The following SRPK2 variants were observed in gnomAD, a reference collection of about 807,000 sequenced individuals.
SRPK2 encodes the protein SFRS protein kinase 2.
Under a neutral mutation model 90.8 loss-of-function variants are expected in SRPK2, and 21 were observed. That is an observed-to-expected ratio of 0.23 (90% CI 0.16 to 0.33). SRPK2 has a LOEUF of 0.33. Ranked by LOEUF, SRPK2 falls within the 10% of genes least tolerant of loss-of-function variation. The pLI is 1.00. For missense variants in SRPK2, 620 were observed against 869.0 expected (o/e 0.71, Z 3.60); for synonymous variants, 288 against 311.1 (o/e 0.93, Z 0.78).
intron 2 of SRPK2, among the ~76,000 whole-genome samples, chr7:105,210,153 A>C (rs948390932): frequency 6.6e-6 from 1 of 152,224 alleles, no homozygotes; most frequent in African/African-American, 2.4e-5. Flanking sequence ...AGAAAAAATA[A>C]ACTCTACATT....
chr7:105,260,566 A>G (rs1804076801), intron 2 of SRPK2, among the ~76,000 whole-genome samples: 1 of 152,230 alleles, frequency 6.6e-6, no homozygotes. Flanking sequence ...TCATGCTGCT[A>G]TAAAGACACA....
chr7:105,306,455 T>C (rs1346197129), intron 2 of SRPK2: 2 of 443,604 alleles, frequency 4.5e-6, no homozygotes, highest in African/African-American at 4.1e-5. Flanking sequence ...CACATCACTG[T>C]CATCTTCTTG....
chr7:105,119,435 G>A (rs1038646539), intron 15 of SRPK2, among the ~76,000 whole-genome samples: 30 of 152,198 alleles, frequency 2.0e-4, no homozygotes, highest in African/African-American at 7.0e-4. Flanking sequence ...TGTCTATTGT[G>A]AAGAGTGTTC....
intron 2 of SRPK2, among the ~76,000 whole-genome samples, chr7:105,249,030 A>T (rs964798886): frequency 1.3e-5 from 2 of 152,186 alleles, no homozygotes; most frequent in Non-Finnish European, 2.9e-5. Context: ...TGTCTGTTCT[A>T]TTTGATGACC....
intron 2 of SRPK2, among the ~76,000 whole-genome samples, chr7:105,292,497 C>CCAA (rs1491378772): frequency 6.7e-5 from 5 of 74,806 alleles, no homozygotes; most frequent in Non-Finnish European, 1.3e-4. Context: ...GTAAGACTCT[C>CCAA]AAAAAAAAAA....
chr7:105,335,913 G>A (rs148123218), intron 2 of SRPK2, among the ~76,000 whole-genome samples: 1,561 of 151,584 alleles, frequency 0.01, 12 homozygotes, highest in Middle Eastern at 0.027. Flanking sequence ...CCGAGGTCAT[G>A]CCATTGCATT....
intron 2 of SRPK2, among the ~76,000 whole-genome samples, chr7:105,269,435 T>C (rs1298761455): frequency 6.6e-6 from 1 of 152,212 alleles, no homozygotes; most frequent in Admixed American, 6.5e-5. Context: ...TAAAGACACA[T>C]TTAATATCTA....
At position 105,388,776 on chromosome 7, in the gene SRPK2, C is replaced by T. The variant is rs1779669145; in HGVS notation, c.16+15G>A. 4 of 1,512,844 alleles carry T rather than the reference C, an allele frequency of 2.6e-6. No individual in the cohort carries two copies. Among genetic ancestry groups the T allele is most frequent in the Admixed American group, 2.0e-5 (1 of 48,830 alleles). The allele number at this position is 1,512,844 out of a possible 1,614,324, so 93.7% of individuals were successfully genotyped here. A position where few individuals can be genotyped will look rare whatever the true frequency, so the allele number is the denominator to read the frequency against. On this transcript the variant is annotated intron_variant, in intron 1 of 15. Transcript: ENST00000393651. ...GGCCGCGTGGCGGGGAGAGGGCGCG[C>T]CGCGGGCCACTCACCTTTCCGGGAG...
intron 2 of SRPK2, among the ~76,000 whole-genome samples, chr7:105,249,391 T>TA (rs1319925615): frequency 4.6e-5 from 7 of 152,142 alleles, no homozygotes; most frequent in Admixed American, 2.0e-4. Context: ...AAATGCTCTG[T>TA]AAAATGAAAG....
intron 2 of SRPK2, among the ~76,000 whole-genome samples, chr7:105,229,440 G>A (rs1458232026): frequency 1.3e-5 from 2 of 151,624 alleles, no homozygotes; most frequent in Non-Finnish European, 2.9e-5. Context: ...CTCCAGCCTG[G>A]GCGACAGAGC....
intron 3 of SRPK2, among the ~76,000 whole-genome samples, chr7:105,178,642 G>C (rs1792321510): frequency 2.6e-5 from 4 of 151,908 alleles, no homozygotes; most frequent in African/African-American, 9.7e-5. Flanking sequence ...AAAAGAGTGA[G>C]AGTCCCCCAT....
chr7:105,357,705 T>C lies in SRPK2; in HGVS notation c.71+30943A>G, dbSNP rs369067068. Reference sequence around the variant, plus strand: ...GTTACAGTGAGCCAAGATCACACCATTGCACTCCAGCCTGGGCAACAAGAG... The same window carrying C: ...GTTACAGTGAGCCAAGATCACACCACTGCACTCCAGCCTGGGCAACAAGAG... On this transcript the variant is annotated intron_variant, in intron 2 of 15. Coordinates refer to ENST00000393651, the MANE Select transcript of SRPK2 (RefSeq NM_182692.3). 2.3e-3 allele frequency among the ~76,000 whole-genome samples: 353 copies of C among 150,740 alleles called. 4 individuals carry two copies. Among genetic ancestry groups the C allele is most frequent in the African/African-American group, 8.2e-3 (336 of 41,044 alleles).
chr7:105,304,781 A>G (rs1810966147), intron 2 of SRPK2, among the ~76,000 whole-genome samples: 2 of 152,198 alleles, frequency 1.3e-5, no homozygotes, highest in South Asian at 4.1e-4. Flanking sequence ...GATGATATAT[A>G]GACAATCCAC....
intron 3 of SRPK2, among the ~76,000 whole-genome samples, chr7:105,171,463 T>C (rs1425113088): frequency 6.6e-6 from 1 of 152,230 alleles, no homozygotes; most frequent in Non-Finnish European, 1.5e-5. Context: ...TGTAAAGATG[T>C]TATTTCTTTT....
chr7:105,144,739 T>C (rs1192694582), intron 9 of SRPK2, among the ~76,000 whole-genome samples: 1 of 152,174 alleles, frequency 6.6e-6, no homozygotes, highest in Non-Finnish European at 1.5e-5. Flanking sequence ...TTGGCCACCA[T>C]AGTCCAGAAA....
intron 2 of SRPK2, among the ~76,000 whole-genome samples, chr7:105,359,303 C>T (rs905115283): frequency 6.6e-6 from 1 of 151,780 alleles, no homozygotes; most frequent in Non-Finnish European, 1.5e-5. Flanking sequence ...GGATTGCAAG[C>T]GCATGCCACC....
At chr7:105,331,269 A>G (rs1026839333) in intron 2 of SRPK2, among the ~76,000 whole-genome samples, 3 of 127,760 alleles carry the variant, frequency 2.3e-5, no homozygotes, top group Admixed American at 9.8e-5. Flanking sequence ...AGATTGTGCC[A>G]TTGCACTCCA....
At chr7:105,228,790 C>T (rs1459676733) in intron 2 of SRPK2, among the ~76,000 whole-genome samples, 1 of 152,214 alleles carries the variant, frequency 6.6e-6, no homozygotes, top group Non-Finnish European at 1.5e-5. Context: ...CTCACCTGGG[C>T]GCTGCGAGAG....
At chr7:105,292,654 G>A (rs1563201964) in intron 2 of SRPK2, among the ~76,000 whole-genome samples, 2 of 152,100 alleles carry the variant, frequency 1.3e-5, no homozygotes, top group Admixed American at 6.5e-5. Context: ...TTGGGACAGC[G>A]CTTTTTGCTT....
Sources: gnomAD v4.1 joint callset for allele counts (sites outside exome capture counted in the v4.1 genomes callset) on GRCh38, gnomAD v4.1.1 for gene constraint, MANE v1.5 for transcripts, NCBI Gene and HGNC (gene_info 2026-07-23, HGNC 2026-07-21) for gene names.